The following NSF variants were observed in gnomAD, a reference collection of about 807,000 sequenced individuals.
NSF encodes the protein N-ethylmaleimide sensitive factor, vesicle fusing ATPase.
Under a neutral mutation model 50.3 loss-of-function variants are expected in NSF, and 14 were observed. That is an observed-to-expected ratio of 0.28 (90% CI 0.18 to 0.44). The LOEUF (loss-of-function observed/expected upper bound fraction) is 0.44. Among genes scored for constraint, NSF ranks in the 20% least tolerant of loss-of-function variants. The pLI, the probability that NSF is intolerant of heterozygous loss-of-function variation, is 1.00. For synonymous variants in NSF, 109 were observed against 175.7 expected (o/e 0.62, Z 3.00); for missense variants, 218 against 504.3 (o/e 0.43, Z 5.44).
chr17:46,649,535 C>T (rs1011345065), intron 8 of NSF, among the ~76,000 whole-genome samples: 4 of 151,234 alleles, frequency 2.6e-5, no homozygotes, highest in Admixed American at 6.5e-5. Flanking sequence ...TGAAGTGAAG[C>T]GGTTGGTGTT....
intron 17 of NSF, among the ~76,000 whole-genome samples, chr17:46,739,924 TC>T (rs2059053039): frequency 6.6e-6 from 1 of 152,148 alleles, no homozygotes. Context: ...GGTCTCAAAC[TC>T]CTGGCCTCAA....
At chr17:46,735,683 G>T (rs573637181) in intron 17 of NSF, among the ~76,000 whole-genome samples, 14 of 152,266 alleles carry the variant, frequency 9.2e-5, no homozygotes, top group African/African-American at 3.1e-4. Context: ...AGTGGCTCAT[G>T]CCTGTAATCC....
At chr17:46,720,329 G>A (rs141810434) in intron 15 of NSF, among the ~76,000 whole-genome samples, 226 of 152,150 alleles carry the variant, frequency 1.5e-3, no homozygotes, top group African/African-American at 5.3e-3. Context: ...TATCTCTTTG[G>A]CGTAGAAAGG....
intron 17 of NSF, among the ~76,000 whole-genome samples, chr17:46,741,922 C>G (rs1031686868): frequency 6.6e-6 from 1 of 152,182 alleles, no homozygotes; most frequent in Non-Finnish European, 1.5e-5. Flanking sequence ...TGTGCCACCA[C>G]GCCTGGCTAA....
At chr17:46,730,907 G>C (rs1047526079) in intron 17 of NSF, among the ~76,000 whole-genome samples, 1 of 152,136 alleles carries the variant, frequency 6.6e-6, no homozygotes, top group African/African-American at 2.4e-5. Flanking sequence ...AAAAAGTCAG[G>C]TAATGACAAG....
At chr17:46,649,465 G>T (rs549562604) in intron 8 of NSF, among the ~76,000 whole-genome samples, 40 of 152,176 alleles carry the variant, frequency 2.6e-4, no homozygotes, top group African/African-American at 9.7e-4. Context: ...GGAACTGGGC[G>T]TGAATTTGTT....
At chr17:46,666,332 C>CT (rs1237525662) in intron 8 of NSF, among the ~76,000 whole-genome samples, 1 of 17,968 alleles carries the variant, frequency 5.6e-5, no homozygotes, top group African/African-American at 1.3e-4. Context: ...GATTTTAAAA[C>CT]TTTTTTTTTA....
chr17:46,746,118 T>G (rs1318791503), intron 17 of NSF, among the ~76,000 whole-genome samples: 1 of 152,246 alleles, frequency 6.6e-6, no homozygotes, highest in East Asian at 1.9e-4. Flanking sequence ...ATTTTGCATC[T>G]GTCTTTCTGT....
At chr17:46,610,033 C>T (rs1216233884) in intron 1 of NSF, among the ~76,000 whole-genome samples, 14 of 91,200 alleles carry the variant, frequency 1.5e-4, no homozygotes, top group African/African-American at 4.4e-4. Context: ...TTCTTTCTCT[C>T]TCTCTCTCTC....
At chr17:46,723,049 T>C (rs1004367331) in intron 15 of NSF, among the ~76,000 whole-genome samples, 1 of 152,182 alleles carries the variant, frequency 6.6e-6, no homozygotes, top group Non-Finnish European at 1.5e-5. Flanking sequence ...TGAAGTGATT[T>C]GGAATGCTTT....
intron 13 of NSF, among the ~76,000 whole-genome samples, chr17:46,709,691 C>T (rs2058699157): frequency 1.3e-5 from 2 of 151,994 alleles, no homozygotes; most frequent in Admixed American, 1.3e-4. Context: ...GATGGGGTTT[C>T]ACCACGTTGG....
intron 16 of NSF, among the ~76,000 whole-genome samples, 160 bp from the exon 17 acceptor site, chr17:46,728,695 G>A (rs757202048): frequency 6.7e-6 from 1 of 150,316 alleles, no homozygotes; most frequent in East Asian, 1.9e-4. Context: ...TGTTATTTAA[G>A]ACTGTTTACT....
At chr17:46,750,596 A>G (rs1442729350) in intron 18 of NSF, among the ~76,000 whole-genome samples, 1 of 152,214 alleles carries the variant, frequency 6.6e-6, no homozygotes, top group East Asian at 1.9e-4. Context: ...TTAGAGAAGA[A>G]AGATGAATAT....
intron 17 of NSF, among the ~76,000 whole-genome samples, chr17:46,737,572 C>CGTGT (rs10564190): frequency 0.027 from 4,037 of 147,240 alleles, 84 homozygotes; most frequent in Non-Finnish European, 0.039. Flanking sequence ...GGTGTGTGTG[C>CGTGT]GTGTGTGTGT....
At position 46,751,490 on chromosome 17, in the gene NSF, A is replaced by C; in HGVS notation, c.2044-13A>C. The C allele has an allele frequency of 6.3e-7, 1 of 1,599,628 alleles. No individual in the cohort carries two copies. The highest frequency in any genetic ancestry group is 1.3e-5 in the African/African-American group (1 of 74,734). ...TGTAAAAGTGCTTTGATTATTGTTT[A>C]TTGTTTTTGTAGCTTTTGGGCAACT... On this transcript the variant is annotated splice_polypyrimidine_tract_variant and intron_variant, in intron 18 of 20. Transcript: ENST00000398238.
At chr17:46,722,523 G>A (rs184142268) in intron 15 of NSF, among the ~76,000 whole-genome samples, 43 of 152,240 alleles carry the variant, frequency 2.8e-4, no homozygotes, top group Admixed American at 2.4e-3. Context: ...GCAGCTTCCC[G>A]GCTTAGTATG....
chr17:46,721,904 C>A (rs1035505823), intron 15 of NSF: 1 of 1,591,362 alleles, frequency 6.3e-7, no homozygotes, highest in Non-Finnish European at 8.6e-7. Context: ...ATGCTTCCCA[C>A]TGAACTTTTT....
rs2059208114 is a variant in NSF, at chr17:46,753,898, A to G, written c.2158-1416A>G. Among the ~76,000 whole-genome samples the G allele has an allele frequency of 2.6e-5, 4 of 152,246 alleles. No individual in the cohort carries two copies. The South Asian group carries it at 8.3e-4, about 32-fold the overall frequency. ...GTGAAGAGGCATGTAGTTTTGCAGA[A>G]TATAAGTCGTGGTACCTCTCTGTTC... is the stretch of plus-strand genomic sequence containing the variant. On this transcript the variant is annotated intron_variant, in intron 19 of 20. Coordinates refer to ENST00000398238, the MANE Select transcript of NSF (RefSeq NM_006178.4).
chr17:46,731,533 T>C (rs1221412277), intron 17 of NSF, among the ~76,000 whole-genome samples: 2 of 152,174 alleles, frequency 1.3e-5, no homozygotes, highest in Non-Finnish European at 2.9e-5. Flanking sequence ...AGAAGTGGTT[T>C]AGGAGCTACT....
Sources: gnomAD v4.1 joint callset for allele counts (sites outside exome capture counted in the v4.1 genomes callset) on GRCh38, gnomAD v4.1.1 for gene constraint, MANE v1.5 for transcripts, NCBI Gene and HGNC (gene_info 2026-07-23, HGNC 2026-07-21) for gene names.